RASA1: variants seen among roughly 807,000 people sequenced by gnomAD.
RASA1 encodes the protein RAS p21 protein activator 1, also known as ras GTPase-activating protein 1.
RASA1 carries 25 observed loss-of-function variants against 132.2 expected under a neutral mutation model. The observed-to-expected ratio is 0.19, with a 90% CI of 0.14 to 0.26. The LOEUF (loss-of-function observed/expected upper bound fraction) is 0.26, where lower values mean the gene tolerates loss of function less well. Among genes scored for constraint, RASA1 ranks in the 10% least tolerant of loss-of-function variants. RASA1 has a pLI of 1.00. For synonymous variants in RASA1, 477 were observed against 449.9 expected (o/e 1.06, Z -0.76); for missense variants, 964 against 1,299.2 (o/e 0.74, Z 3.97).
intron 5 of RASA1, among the ~76,000 whole-genome samples, chr5:87,338,536 A>ATATATATTTTTTTTTTTT: frequency 3.5e-5 from 3 of 85,222 alleles, no homozygotes; most frequent in African/African-American, 1.3e-4. Context: ...TATATATAAA[A>ATATATATTTTTTTTTTTT]TTTTTTTTTT....
At chr5:87,318,722 G>T (rs1374227109) in intron 1 of RASA1, 1 of 152,100 alleles carries the variant, frequency 6.6e-6, no homozygotes, top group African/African-American at 2.4e-5. Flanking sequence ...TTGGATGGGG[G>T]TACAGAGCCA....
In RASA1 at chr5:87,372,161, G is replaced by A. The variant is rs1423385321; in HGVS notation, c.1742G>A (p.Ser581Asn). 6.2e-7 allele frequency: 1 copy of A among 1,613,676 alleles called. No individual in the cohort carries two copies. Among genetic ancestry groups the A allele is most frequent in the South Asian group, 1.1e-5 (1 of 91,068 alleles). ...GLQAFCNLRK[S>N]SPGTSNKRLR... The stretch of plus-strand genomic sequence containing the variant: ...CAGGCATTTTGCAATTTACGGAAAA[G>A]TAGTCCAGGGACATCCAATAAACGC... The change falls in exon 13 of 25, where the codon AGT becomes AAT. Residue 581 changes from serine to asparagine, a missense_variant. This residue lies in a region of RASA1 where 346 missense variants were observed against 520.1 expected (regional missense o/e 0.67). Transcript: ENST00000274376.
intron 23 of RASA1, among the ~76,000 whole-genome samples, chr5:87,389,012 C>CAA (rs1762266362): frequency 6.6e-6 from 1 of 151,914 alleles, no homozygotes; most frequent in Non-Finnish European, 1.5e-5. Flanking sequence ...CATGTGAATA[C>CAA]AAAGGTTACA....
At chr5:87,291,281 GCA>G (rs1420409660) in intron 1 of RASA1, among the ~76,000 whole-genome samples, 1 of 152,162 alleles carries the variant, frequency 6.6e-6, no homozygotes, top group Non-Finnish European at 1.5e-5. Context: ...TATAATCCCA[GCA>G]CTTTGGGAGG....
At chr5:87,328,041 T>G (rs1477905846) in intron 1 of RASA1, among the ~76,000 whole-genome samples, 1 of 152,208 alleles carries the variant, frequency 6.6e-6, no homozygotes, top group Non-Finnish European at 1.5e-5. Flanking sequence ...GTTTTTTACA[T>G]TGGCATGGTG....
intron 13 of RASA1, among the ~76,000 whole-genome samples, chr5:87,373,654 CAAAT>C (rs1761110733): frequency 6.6e-6 from 1 of 152,078 alleles, no homozygotes; most frequent in African/African-American, 2.4e-5. Flanking sequence ...TCCAAACTAA[CAAAT>C]AACTTAGTTT....
chr5:87,282,892 A>C (rs559690560), intron 1 of RASA1, among the ~76,000 whole-genome samples: 1 of 152,260 alleles, frequency 6.6e-6, no homozygotes, highest in African/African-American at 2.4e-5. Context: ...TGTACAACAG[A>C]TATTTTGATA....
chr5:87,375,334 C>A (rs1761251447), intron 15 of RASA1, among the ~76,000 whole-genome samples: 3 of 148,470 alleles, frequency 2.0e-5, no homozygotes, highest in Admixed American at 6.7e-5. Flanking sequence ...GATCTCGGCT[C>A]ACTGCAACCT....
chr5:87,389,159 A>G, intron 23 of RASA1: 1 of 418,458 alleles, frequency 2.4e-6, no homozygotes, highest in South Asian at 2.2e-5. Flanking sequence ...CTACAGAGAA[A>G]GATTTGTATT....
At chr5:87,378,913 GT>G (rs1471346425) in intron 18 of RASA1, among the ~76,000 whole-genome samples, 1 of 151,998 alleles carries the variant, frequency 6.6e-6, no homozygotes, top group African/African-American at 2.4e-5. Context: ...GTTCTTGAAG[GT>G]TTTTTTGCGA....
chr5:87,284,745 C>A (rs1454731659), intron 1 of RASA1, among the ~76,000 whole-genome samples: 1 of 152,058 alleles, frequency 6.6e-6, no homozygotes, highest in African/African-American at 2.4e-5. Flanking sequence ...TGATTAATTT[C>A]TCAGGGAATT....
chr5:87,283,371 T>A (rs1754407395), intron 1 of RASA1, among the ~76,000 whole-genome samples: 1 of 151,942 alleles, frequency 6.6e-6, no homozygotes, highest in Non-Finnish European at 1.5e-5. Context: ...CTCATCCAAG[T>A]TGTGACTTTC....
rs922902843 is a variant in RASA1 at position 87,276,483 on chromosome 5, A to G, written c.539+7493A>G. The stretch of plus-strand genomic sequence containing the variant: ...GATGATTTTAGGTGTTTTAGTGGTT[A>G]TGTGATTTAGTGAGTAAAATAATGA... On this transcript the variant is annotated intron_variant, in intron 1 of 24. Coordinates refer to ENST00000274376, the MANE Select transcript of RASA1 (RefSeq NM_002890.3). Among the ~76,000 whole-genome samples, 7 of 152,288 alleles carry G rather than the reference A, an allele frequency of 4.6e-5. No homozygotes were observed. In the Middle Eastern group the frequency reaches 0.01, roughly 222 times the overall value.
At chr5:87,321,299 A>G (rs1208133892) in intron 1 of RASA1, among the ~76,000 whole-genome samples, 1 of 152,226 alleles carries the variant, frequency 6.6e-6, no homozygotes, top group Non-Finnish European at 1.5e-5. Flanking sequence ...CCAAATGCAC[A>G]GTATTTCTCC....
Position 87,391,694 on chromosome 5 carries a change from A to T in RASA1, c.*811A>T, listed in dbSNP as rs1762533503. The T allele has an allele frequency of 4.3e-6, 1 of 232,982 alleles. No homozygotes were observed. Among genetic ancestry groups the T allele is most frequent in the African/African-American group, 2.2e-5 (1 of 45,296 alleles). The allele number at this position is 232,982 out of a possible 1,614,324, so 14.4% of individuals were successfully genotyped here. On this transcript the variant is annotated 3_prime_UTR_variant, in exon 25 of 25. Transcript: ENST00000274376. Reference sequence around the variant, plus strand: ...ACTACCAATTTCTTTTATGTTAACTAGAATGCTTTTGTTAAAAGTTATTTG... The same window carrying T: ...ACTACCAATTTCTTTTATGTTAACTTGAATGCTTTTGTTAAAAGTTATTTG...
chr5:87,373,113 G>T (rs1327137769), intron 13 of RASA1, among the ~76,000 whole-genome samples: 2 of 152,120 alleles, frequency 1.3e-5, no homozygotes, highest in Non-Finnish European at 2.9e-5. Flanking sequence ...ACATTTGCAG[G>T]TTTAATATAA....
Position 87,377,033 on chromosome 5 carries a change from C to T in RASA1, c.2337C>T (p.Ser779=), listed in dbSNP as rs758662266. 8.7e-6 allele frequency: 14 copies of T among 1,613,372 alleles called. No homozygotes were observed. In the African/African-American group the frequency reaches 1.2e-4, roughly 14 times the overall value. ...GCACACTAAATGACAGAGAAATAAG[C>T]ATGGAAGGTATGGTATGGCCATGTT... ...LLCTLNDREI[S]MEDEATTLFR... is the part of the protein sequence containing the mutation. Residue 779 remains serine, a synonymous_variant, in exon 17 of 25, where the codon AGC becomes AGT. Transcript: ENST00000274376.
intron 1 of RASA1, among the ~76,000 whole-genome samples, chr5:87,313,427 A>G (rs1756071558): frequency 6.6e-6 from 1 of 152,058 alleles, no homozygotes; most frequent in Admixed American, 6.6e-5. Context: ...TGAATGGGAG[A>G]GTGAAAGTCA....
intron 1 of RASA1, among the ~76,000 whole-genome samples, chr5:87,303,088 TGA>T (rs1755446870): frequency 6.6e-6 from 1 of 152,188 alleles, no homozygotes; most frequent in Non-Finnish European, 1.5e-5. Context: ...CATACATGTG[TGA>T]GTTTGTTACA....
Sources: gnomAD v4.1 joint callset for allele counts (sites outside exome capture counted in the v4.1 genomes callset) on GRCh38, gnomAD v4.1.1 for gene constraint, gnomAD v4.1.1 regional missense constraint, MANE v1.5 for transcripts, NCBI Gene and HGNC (gene_info 2026-07-23, HGNC 2026-07-21) for gene names.